Variants in CDC42BPA observed in about 807,000 individuals in gnomAD.
The protein encoded by CDC42BPA is serine/threonine-protein kinase MRCK alpha.
A neutral mutation model predicts 223.5 loss-of-function variants in CDC42BPA; 80 were observed. The observed-to-expected ratio is 0.36, with a 90% CI of 0.30 to 0.43. The LOEUF (loss-of-function observed/expected upper bound fraction) is 0.43. CDC42BPA is among the 20% of genes least tolerant of loss of function. The pLI, the probability that CDC42BPA is intolerant of heterozygous loss-of-function variation, is 1.00. For synonymous variants in CDC42BPA, 694 were observed against 718.6 expected (o/e 0.97, Z 0.55); for missense variants, 1,743 against 2,099.9 (o/e 0.83, Z 3.32).
chr1:227,144,403 C>T (rs1660286343), intron 8 of CDC42BPA, among the ~76,000 whole-genome samples: 2 of 151,756 alleles, frequency 1.3e-5, no homozygotes, highest in South Asian at 2.1e-4. Context: ...GGTGAAACCC[C>T]GTCTCTACTA....
intron 11 of CDC42BPA, among the ~76,000 whole-genome samples, chr1:227,121,155 C>A (rs1222125604): frequency 6.6e-6 from 1 of 152,196 alleles, no homozygotes; most frequent in East Asian, 1.9e-4. Flanking sequence ...CATCCCCAGA[C>A]AAGTGACATG....
intron 2 of CDC42BPA, among the ~76,000 whole-genome samples, chr1:227,248,882 G>A (rs370843600): frequency 6.6e-6 from 1 of 152,054 alleles, no homozygotes; most frequent in South Asian, 2.1e-4. Flanking sequence ...CAGATTCAAT[G>A]CAATCCCTGT....
At chr1:227,044,163 T>C (rs1257773089) in intron 23 of CDC42BPA, among the ~76,000 whole-genome samples, 3 of 152,248 alleles carry the variant, frequency 2.0e-5, no homozygotes, top group Admixed American at 1.3e-4. Flanking sequence ...GAATTATTTA[T>C]ATCACTTGCC....
intron 5 of CDC42BPA, among the ~76,000 whole-genome samples, chr1:227,178,692 T>C (rs1344752735): frequency 1.3e-5 from 2 of 152,116 alleles, no homozygotes; most frequent in East Asian, 3.9e-4. Flanking sequence ...ACGGGGTTTC[T>C]CCATGTTGGT....
rs543836443 is a variant in CDC42BPA, at chr1:227,003,849, C to T, written c.4975+1145G>A. 2.6e-4 allele frequency among the ~76,000 whole-genome samples: 40 copies of T among 152,046 alleles called. No homozygotes were observed. The South Asian group carries it at 3.5e-3, about 13-fold the overall frequency. On this transcript the variant is annotated intron_variant, in intron 35 of 36. Transcript: ENST00000366766. ...ACAAAAAACAAACAAACAAAAAAAA[C>T]GGAGAGAGAGACTAATAAAGACTGT...
intron 17 of CDC42BPA, among the ~76,000 whole-genome samples, chr1:227,080,404 T>C (rs552008187): frequency 6.6e-6 from 1 of 152,272 alleles, no homozygotes; most frequent in Non-Finnish European, 1.5e-5. Context: ...AAAGAGCTGA[T>C]AAAACTAAAA....
At chr1:227,029,523 T>C (rs569581649) in intron 29 of CDC42BPA, among the ~76,000 whole-genome samples, 1 of 152,330 alleles carries the variant, frequency 6.6e-6, no homozygotes, top group East Asian at 1.9e-4. Context: ...GAAACTTTTC[T>C]ACTGGCACTA....
intron 6 of CDC42BPA, among the ~76,000 whole-genome samples, chr1:227,154,183 T>C (rs1179485870): frequency 6.6e-6 from 1 of 151,986 alleles, no homozygotes; most frequent in African/African-American, 2.4e-5. Flanking sequence ...TAACATCATC[T>C]TGATGGATGC....
intron 14 of CDC42BPA, among the ~76,000 whole-genome samples, chr1:227,111,281 A>G (rs990353218): frequency 2.6e-5 from 4 of 152,180 alleles, no homozygotes; most frequent in Non-Finnish European, 5.9e-5. Flanking sequence ...AAAAAAGATA[A>G]AAGGCAGATA....
chr1:227,149,086 C>T (rs1448433097), intron 6 of CDC42BPA, among the ~76,000 whole-genome samples: 1 of 152,140 alleles, frequency 6.6e-6, no homozygotes, highest in South Asian at 2.1e-4. Flanking sequence ...TATATACATA[C>T]CTTTTGCCTT....
chr1:227,089,595 T>TA (rs1476049463), intron 16 of CDC42BPA, among the ~76,000 whole-genome samples: 1 of 151,268 alleles, frequency 6.6e-6, no homozygotes, highest in Non-Finnish European at 1.5e-5. Context: ...ATATCCTACC[T>TA]ATCTTTCAAT....
At chr1:227,259,129 C>A (rs992656094) in intron 1 of CDC42BPA, among the ~76,000 whole-genome samples, 1 of 150,924 alleles carries the variant, frequency 6.6e-6, no homozygotes, top group Non-Finnish European at 1.5e-5. Context: ...GTATCTGCCA[C>A]GCCGCCTCCC....
rs1212795145 is a variant in CDC42BPA at position 227,187,106 on chromosome 1, T to C, written c.599+6680A>G. Among the ~76,000 whole-genome samples the C allele has an allele frequency of 5.3e-5, 8 of 152,214 alleles. No individual in the cohort carries two copies. The East Asian group carries it at 1.3e-3, about 26-fold the overall frequency. On this transcript the variant is annotated intron_variant, in intron 5 of 36. Transcript: ENST00000366766. Reference sequence around the variant, plus strand: ...CAAAGTCTATACTTATTTTCTAATCTTGTTATTTAAGGTTAACAACATCAT... The same window carrying C: ...CAAAGTCTATACTTATTTTCTAATCCTGTTATTTAAGGTTAACAACATCAT...
chr1:227,244,235 A>G (rs1459291572), intron 2 of CDC42BPA, among the ~76,000 whole-genome samples: 1 of 152,236 alleles, frequency 6.6e-6, no homozygotes, highest in Non-Finnish European at 1.5e-5. Flanking sequence ...TGTTTCTAAC[A>G]GCATTATTCA....
intron 1 of CDC42BPA, 46 bp from the exon 2 acceptor site, chr1:227,254,201 T>C: frequency 2.1e-6 from 2 of 969,060 alleles, no homozygotes; most frequent in Admixed American, 2.3e-5. Flanking sequence ...TAAAATGTGA[T>C]GCAAATTAGA....
At position 227,074,395 on chromosome 1, in the gene CDC42BPA, A is replaced by G. The variant is rs776839376; in HGVS notation, c.2481-31T>C. On this transcript the variant is annotated intron_variant, in intron 17 of 36. Transcript: ENST00000366766. ...ATATATAAAGACAAAGTACAAAAGT[A>G]AAACAAAAAAGCTTCAGTGCAATAT... 3 of 1,522,710 alleles carry G rather than the reference A, an allele frequency of 2.0e-6. No individual in the cohort carries two copies. The East Asian group carries it at 6.8e-5, about 34-fold the overall frequency. The allele number at this position is 1,522,710 out of a possible 1,614,324, so 94.3% of individuals were successfully genotyped here. A position where few individuals can be genotyped will look rare whatever the true frequency, so the allele number is the denominator to read the frequency against.
At chr1:227,113,340 G>A (rs1687234612) in intron 12 of CDC42BPA, among the ~76,000 whole-genome samples, 1 of 152,232 alleles carries the variant, frequency 6.6e-6, no homozygotes, top group African/African-American at 2.4e-5. Context: ...ATTAAAATGA[G>A]AAACTTAGAG....
intron 16 of CDC42BPA, among the ~76,000 whole-genome samples, chr1:227,086,128 A>C (rs1362146861): frequency 6.6e-6 from 1 of 152,176 alleles, no homozygotes; most frequent in African/African-American, 2.4e-5. Flanking sequence ...AGATTATTGA[A>C]GTTGAACCTC....
intron 6 of CDC42BPA, among the ~76,000 whole-genome samples, chr1:227,157,057 T>G (rs1446677365): frequency 6.6e-6 from 1 of 152,246 alleles, no homozygotes; most frequent in Non-Finnish European, 1.5e-5. Context: ...ATTGTTTATG[T>G]GACTATTGTC....
Sources: gnomAD v4.1 joint callset for allele counts (sites outside exome capture counted in the v4.1 genomes callset) on GRCh38, gnomAD v4.1.1 for gene constraint, MANE v1.5 for transcripts, NCBI Gene and HGNC (gene_info 2026-07-23, HGNC 2026-07-21) for gene names.